MRPL54: variants seen among roughly 807,000 people sequenced by gnomAD.
MRPL54 encodes mitochondrial ribosomal protein L54.
A neutral mutation model predicts 15.6 loss-of-function variants in MRPL54; 12 were observed. The ratio of observed to expected loss-of-function variants is 0.77; its 90% confidence interval spans 0.49 to 1.24. The LOEUF is 1.24. Among genes scored for constraint, MRPL54 ranks in the 50% most tolerant of loss-of-function variants. The pLI, the probability that MRPL54 is intolerant of heterozygous loss-of-function variation, is 0.00. For synonymous variants in MRPL54, 91 were observed against 75.7 expected, an observed-to-expected ratio of 1.20 and a Z score of -1.05; for missense variants, 178 against 186.8, an observed-to-expected ratio of 0.95 and a Z score of 0.28.
intron 1 of MRPL54, among the ~76,000 whole-genome samples, chr19:3,763,400 T>G (rs539337240): frequency 6.6e-6 from 1 of 152,286 alleles, no homozygotes; most frequent in South Asian, 2.1e-4. Flanking sequence ...AATGACTTGG[T>G]CATTCCAAGC....
intron 2 of MRPL54, 130 bp from the exon 3 acceptor site, chr19:3,767,130 AC>A (rs2037204866): frequency 8.2e-7 from 1 of 1,224,876 alleles, no homozygotes; most frequent in Admixed American, 3.0e-5. Context: ...GGGAGGGACC[AC>A]CCTGAGATCA....
At chr19:3,765,068 G>A in intron 1 of MRPL54, 98 bp from the exon 2 acceptor site, 1 of 1,262,644 alleles carries the variant, frequency 7.9e-7, no homozygotes, top group African/African-American at 1.5e-5. Context: ...GCAGAGTCCA[G>A]CCAGGGGCAG....
In MRPL54 at chr19:3,765,228, G is replaced by A. The variant is rs748505891; in HGVS notation, c.181G>A (p.Val61Ile). ...CAGCGAGGCCCTCAAGGACCCCGAC[G>A]TATGCACAGATCCTGTCCAGCTCAC... ...VTSEALKDPD[V>I]CTDPVQLTTY... The change falls in exon 2 of 3, where the codon GTA (valine) becomes ATA (isoleucine). Residue 61 changes from valine (V) to isoleucine (I), a missense_variant. Val to Ile is a conservative substitution (Grantham distance 29). Coordinates refer to ENST00000330133, the MANE Select transcript of MRPL54 (RefSeq NM_172251.3). The A allele has an allele frequency of 3.7e-6, 6 of 1,613,936 alleles. No individual in the cohort carries two copies. Among genetic ancestry groups the A allele is most frequent in the East Asian group, 2.2e-5 (1 of 44,854 alleles).
chr19:3,765,461 G>A, intron 2 of MRPL54, 130 bp downstream of exon 2: 1 of 966,564 alleles, frequency 1.0e-6, no homozygotes, highest in Non-Finnish European at 1.5e-6. Context: ...CCTGGCTTTA[G>A]GGCAGGGGGC....
Position 3,767,537 on chromosome 19 carries a change from C to G in MRPL54, c.*144C>G. The G allele has an allele frequency of 8.6e-7, 1 of 1,162,690 alleles. No individual in the cohort carries two copies. Among genetic ancestry groups the G allele is most frequent in the Non-Finnish European group, 1.2e-6 (1 of 839,498 alleles). The allele number at this position is 1,162,690 out of a possible 1,614,324, so 72.0% of individuals were successfully genotyped here. On this transcript the variant is annotated 3_prime_UTR_variant, in exon 3 of 3. Transcript: ENST00000330133. ...TGGGGCTGGACCAGGGCCCTGGAGG[C>G]CAATAAAGAGCTTTCTGGGTAGACC...
At chr19:3,762,933 G>A (rs551884921) in intron 1 of MRPL54, 115 bp downstream of exon 1, 45 of 875,360 alleles carry the variant, frequency 5.1e-5, no homozygotes, top group Admixed American at 2.9e-4. Flanking sequence ...GCAGAGAGGC[G>A]GATGCCAGGC....
Position 3,762,725 on chromosome 19 carries a change from G to A in MRPL54, c.25G>A (p.Ala9Thr), listed in dbSNP as rs201157038. Residue 9 changes from alanine to threonine, a missense_variant, in exon 1 of 3, where the codon GCT (alanine) becomes ACT (threonine). By Grantham distance (58) the Ala-to-Thr change is moderately conservative. Transcript: ENST00000330133. ...CATGGCGACCAAACGCCTTTTCGGG[G>A]CTACCCGGACGTGGGCCGGCTGGGG... MATKRLFG[A>T]TRTWAGWGAW... 6.8e-6 allele frequency: 11 copies of A among 1,611,782 alleles called. No homozygotes were observed. Among genetic ancestry groups the A allele is most frequent in the Non-Finnish European group, 9.3e-6 (11 of 1,179,142 alleles).
At chr19:3,764,986 C>T (rs1258442620) in intron 1 of MRPL54, among the ~76,000 whole-genome samples, 180 bp from the exon 2 acceptor site, 1 of 151,428 alleles carries the variant, frequency 6.6e-6, no homozygotes, top group Non-Finnish European at 1.5e-5. Flanking sequence ...TGAGACTGCG[C>T]CACTGCACTC....
Position 3,766,991 on chromosome 19 carries a change from G to A in MRPL54, c.285-270G>A, listed in dbSNP as rs572239399. Among the ~76,000 whole-genome samples the A allele has an allele frequency of 3.9e-5, 6 of 152,306 alleles. 1 individual carries two copies. Among genetic ancestry groups the A allele is most frequent in the African/African-American group, 1.4e-4 (6 of 41,572 alleles). On this transcript the variant is annotated intron_variant, in intron 2 of 2. Transcript: ENST00000330133. ...GGGTCAGGAAGGCTGAGCAAGTGGGGGCAGGTGGCATGATGTGGACAGTGC... is the reference window on the plus strand; with the variant it reads ...GGGTCAGGAAGGCTGAGCAAGTGGGAGCAGGTGGCATGATGTGGACAGTGC...
chr19:3,765,415 C>T (rs909192110), intron 2 of MRPL54, 84 bp downstream of exon 2: 11 of 1,493,852 alleles, frequency 7.4e-6, no homozygotes, highest in Non-Finnish European at 9.2e-6. Context: ...GGCGGATCGC[C>T]ACTCCAGCCG....
At chr19:3,767,207 C>T in intron 2 of MRPL54, 54 bp from the exon 3 acceptor site, 2 of 1,562,850 alleles carry the variant, frequency 1.3e-6, no homozygotes, top group Non-Finnish European at 1.7e-6. Context: ...CCCGGGACAC[C>T]AGGGAGCCCA....
chr19:3,764,920 T>C (rs11880819), intron 1 of MRPL54, among the ~76,000 whole-genome samples: 80,138 of 150,192 alleles, frequency 0.53, 22,325 homozygotes, highest in East Asian at 0.82. Flanking sequence ...CCCAGCTACT[T>C]GGGAGGCTGA....
At chr19:3,765,443 C>G in intron 2 of MRPL54, 112 bp downstream of exon 2, 1 of 1,197,674 alleles carries the variant, frequency 8.3e-7, no homozygotes, top group Non-Finnish European at 1.2e-6. Flanking sequence ...ATAGTCACAC[C>G]TACCCATCCT....
At chr19:3,767,042 G>A (rs1322153771) in intron 2 of MRPL54, among the ~76,000 whole-genome samples, 1 of 152,176 alleles carries the variant, frequency 6.6e-6, no homozygotes, top group Non-Finnish European at 1.5e-5. Context: ...GGCTTGGCGT[G>A]TGCCAGCCTC....
At chr19:3,765,854 C>T (rs868502022) in intron 2 of MRPL54, among the ~76,000 whole-genome samples, 8 of 149,560 alleles carry the variant, frequency 5.3e-5, no homozygotes, top group African/African-American at 1.5e-4. Context: ...GCTGAGATCA[C>T]GCCATTGTAC....
At chr19:3,763,368 A>G (rs1296626273) in intron 1 of MRPL54, among the ~76,000 whole-genome samples, 1 of 152,222 alleles carries the variant, frequency 6.6e-6, no homozygotes, top group Non-Finnish European at 1.5e-5. Flanking sequence ...AGACAGACAC[A>G]TAGCAGACAA....
chr19:3,766,860 G>A (rs568727905), intron 2 of MRPL54, among the ~76,000 whole-genome samples: 1 of 152,346 alleles, frequency 6.6e-6, no homozygotes, highest in Admixed American at 6.5e-5. Context: ...AGGCCTGTGT[G>A]GCTGGAGCAC....
At chr19:3,762,931 G>C in intron 1 of MRPL54, 113 bp downstream of exon 1, 2 of 870,372 alleles carry the variant, frequency 2.3e-6, no homozygotes, top group South Asian at 1.9e-5. Context: ...GCGCAGAGAG[G>C]CGGATGCCAG....
intron 1 of MRPL54, among the ~76,000 whole-genome samples, chr19:3,764,650 A>G (rs992411546): frequency 1.9e-4 from 28 of 147,868 alleles, no homozygotes; most frequent in African/African-American, 6.5e-4. Context: ...ACCTGACCTC[A>G]GGTGATCTTC....
Sources: gnomAD v4.1 joint callset for allele counts (sites outside exome capture counted in the v4.1 genomes callset) on GRCh38, gnomAD v4.1.1 for gene constraint, MANE v1.5 for transcripts, NCBI Gene and HGNC (gene_info 2026-07-23, HGNC 2026-07-21) for gene names.